Variants in CDH1 observed in about 807,000 individuals in gnomAD.
The protein encoded by CDH1 is cadherin-1.
CDH1 carries 35 observed loss-of-function variants against 84.5 expected under a neutral mutation model. That is an observed-to-expected ratio of 0.41 (90% CI 0.32 to 0.55). CDH1 has a LOEUF of 0.55. Among genes scored for constraint, CDH1 ranks in the 20% least tolerant of loss-of-function variants. The pLI is 0.19. For missense variants in CDH1, 994 were observed against 1,126.6 expected (o/e 0.88, Z 1.68); for synonymous variants, 417 against 439.0 (o/e 0.95, Z 0.63).
chr16:68,740,956 CAAA>C (rs1365993456), intron 2 of CDH1, among the ~76,000 whole-genome samples: 1 of 151,506 alleles, frequency 6.6e-6, no homozygotes, highest in African/African-American at 2.4e-5. Context: ...AAAACAAAAA[CAAA>C]GAAAAAAGGT....
chr16:68,804,238 T>C (rs980859229), intron 3 of CDH1, among the ~76,000 whole-genome samples: 2 of 149,960 alleles, frequency 1.3e-5, no homozygotes, highest in Non-Finnish European at 3.0e-5. Flanking sequence ...CTCAGCCTCC[T>C]GAGTAGCTGA....
At chr16:68,801,598 G>T in intron 2 of CDH1, 72 bp from the exon 3 acceptor site, 1 of 1,282,702 alleles carries the variant, frequency 7.8e-7, no homozygotes. Flanking sequence ...CCACAAGTTC[G>T]CTCTTTGGAG....
chr16:68,737,468 C>T lies in CDH1; in HGVS notation c.48+5C>T, dbSNP rs77312180. Reference sequence around the variant, plus strand: ...GCGCTGCTGCTGCTGCTGCAGGTACCCCGGATCCCCTGACTTGCGAGGGAC... The same window carrying T: ...GCGCTGCTGCTGCTGCTGCAGGTACTCCGGATCCCCTGACTTGCGAGGGAC... On this transcript the variant is annotated splice_donor_5th_base_variant and intron_variant, in intron 1 of 15. Transcript: ENST00000261769. The T allele has an allele frequency of 1.6e-5, 24 of 1,537,514 alleles. No individual in the cohort carries two copies. The South Asian group carries it at 2.7e-4, about 18-fold the overall frequency.
intron 3 of CDH1, among the ~76,000 whole-genome samples, chr16:68,805,200 A>T (rs1442950221): frequency 6.6e-6 from 1 of 150,732 alleles, no homozygotes; most frequent in African/African-American, 2.4e-5. Flanking sequence ...TTGTGTTTTT[A>T]GTACAGATGG....
chr16:68,764,154 G>A (rs1449213973), intron 2 of CDH1, among the ~76,000 whole-genome samples: 2 of 152,216 alleles, frequency 1.3e-5, no homozygotes, highest in Non-Finnish European at 2.9e-5. Flanking sequence ...GCTACCCGAA[G>A]TTGTAGACAA....
In CDH1 at chr16:68,821,988, T is replaced by C; in HGVS notation, c.1712-13T>C. 1 of 1,606,924 alleles carries C rather than the reference T, an allele frequency of 6.2e-7. No individual in the cohort carries two copies. Among genetic ancestry groups the C allele is most frequent in the Non-Finnish European group, 8.5e-7 (1 of 1,173,436 alleles). On this transcript the variant is annotated splice_polypyrimidine_tract_variant and intron_variant, in intron 11 of 15. Coordinates refer to ENST00000261769, the MANE Select transcript of CDH1 (RefSeq NM_004360.5). ...TTGCCAAGCTGCCACATTTTCTGTG[T>C]ATTTTCTCTTAGGTTCTCCAGTTGC... is the stretch of plus-strand genomic sequence containing the variant.
intron 2 of CDH1, among the ~76,000 whole-genome samples, chr16:68,783,835 C>A (rs1272356233): frequency 6.6e-6 from 1 of 152,068 alleles, no homozygotes; most frequent in Non-Finnish European, 1.5e-5. Context: ...TACCACCACG[C>A]CTGGCTAATT....
intron 15 of CDH1, among the ~76,000 whole-genome samples, chr16:68,831,069 C>CTTTTTT (rs1157074539): frequency 1.9e-4 from 15 of 80,290 alleles, no homozygotes; most frequent in Admixed American, 2.5e-4. Flanking sequence ...CTTTAGCTTT[C>CTTTTTT]TTTTTTTTTT....
chr16:68,779,653 T>C (rs1214931924), intron 2 of CDH1, among the ~76,000 whole-genome samples: 5 of 152,118 alleles, frequency 3.3e-5, no homozygotes, highest in Non-Finnish European at 7.4e-5. Flanking sequence ...AGTCAAGAGA[T>C]CGAGACCATC....
At chr16:68,798,033 T>G (rs1191085968) in intron 2 of CDH1, among the ~76,000 whole-genome samples, 1 of 151,754 alleles carries the variant, frequency 6.6e-6, no homozygotes, top group Non-Finnish European at 1.5e-5. Context: ...GAGCCCAGAT[T>G]GCACCATTGC....
chr16:68,743,136 C>T (rs1223902290), intron 2 of CDH1, among the ~76,000 whole-genome samples: 1 of 152,124 alleles, frequency 6.6e-6, no homozygotes, highest in African/African-American at 2.4e-5. Context: ...GCTTTTCTTC[C>T]AAAATGCTCA....
chr16:68,822,485 C>G, intron 12 of CDH1: 1 of 572,530 alleles, frequency 1.7e-6, no homozygotes, highest in Non-Finnish European at 3.2e-6. Context: ...CCCTCCACTC[C>G]CCTCTCCACT....
intron 2 of CDH1, among the ~76,000 whole-genome samples, chr16:68,764,398 G>A (rs1343330650): frequency 1.3e-5 from 2 of 152,178 alleles, no homozygotes; most frequent in African/African-American, 2.4e-5. Context: ...CCAACATGGC[G>A]AATCCCCATC....
At position 68,751,062 on chromosome 16, in the gene CDH1, T is replaced by G. The variant is rs60888458; in HGVS notation, c.163+12651T>G. Among the ~76,000 whole-genome samples, 787 of 152,236 alleles carry G rather than the reference T, an allele frequency of 5.2e-3. 6 individuals are homozygous for G. Among genetic ancestry groups the G allele is most frequent in the African/African-American group, 0.017 (688 of 41,546 alleles). ...ACCTTCATTGTCGCAGCAGCTTCCT[T>G]CCTGGTCTCCCCACTTATTCCTTCC... is the stretch of plus-strand genomic sequence containing the variant. On this transcript the variant is annotated intron_variant, in intron 2 of 15. Transcript: ENST00000261769.
rs867573182 is a variant in CDH1 at position 68,831,368 on chromosome 16, G to T, written c.2439+1571G>T. ...GCCTCCCAAAGTGTTGGGATTACAG[G>T]CGTGAGCCACCACGCCCGGACTGCT... On this transcript the variant is annotated intron_variant, in intron 15 of 15. Coordinates refer to ENST00000261769, the MANE Select transcript of CDH1 (RefSeq NM_004360.5). Among the ~76,000 whole-genome samples the T allele has an allele frequency of 2.0e-5, 3 of 151,386 alleles. No individual in the cohort carries two copies. The South Asian group carries it at 6.3e-4, about 32-fold the overall frequency.
intron 15 of CDH1, among the ~76,000 whole-genome samples, 189 bp from the exon 16 acceptor site, chr16:68,833,101 A>C (rs1961526912): frequency 6.6e-6 from 1 of 152,126 alleles, no homozygotes; most frequent in African/African-American, 2.4e-5. Context: ...TTCCATCAAC[A>C]ACATATCCTG....
intron 2 of CDH1, among the ~76,000 whole-genome samples, chr16:68,793,746 G>T (rs1474526827): frequency 5.3e-5 from 8 of 152,144 alleles, no homozygotes; most frequent in Admixed American, 5.2e-4. Context: ...TACAAAATTA[G>T]CTGGGCATGG....
chr16:68,809,224 G>T (rs966259009), intron 5 of CDH1, among the ~76,000 whole-genome samples: 2 of 116,336 alleles, frequency 1.7e-5, no homozygotes, highest in African/African-American at 4.4e-5. Flanking sequence ...AAACCAAGAG[G>T]TCTTTTTTTT....
intron 2 of CDH1, among the ~76,000 whole-genome samples, chr16:68,797,093 A>G (rs1185183245): frequency 6.6e-6 from 1 of 152,106 alleles, no homozygotes; most frequent in African/African-American, 2.4e-5. Flanking sequence ...TGTTTAAAAT[A>G]CTAATAAAAT....
Sources: gnomAD v4.1 joint callset for allele counts (sites outside exome capture counted in the v4.1 genomes callset) on GRCh38, gnomAD v4.1.1 for gene constraint, MANE v1.5 for transcripts, NCBI Gene and HGNC (gene_info 2026-07-23, HGNC 2026-07-21) for gene names.